SLC1A1: variants seen among roughly 807,000 people sequenced by gnomAD.
SLC1A1 encodes the protein excitatory amino acid transporter 3.
A neutral mutation model predicts 53.3 loss-of-function variants in SLC1A1; 43 were observed. The ratio of observed to expected loss-of-function variants is 0.81; its 90% CI spans 0.63 to 1.04. The LOEUF is 1.04. Among genes scored for constraint, SLC1A1 ranks in the 50% least tolerant of loss-of-function variants. The pLI, the probability that SLC1A1 is intolerant of heterozygous loss-of-function variation, is 0.00. For synonymous variants in SLC1A1, 307 were observed against 243.2 expected, an observed-to-expected ratio of 1.26 and a Z score of -2.44; for missense variants, 748 against 664.9, an observed-to-expected ratio of 1.12 and a Z score of -1.37.
intron 1 of SLC1A1, among the ~76,000 whole-genome samples, chr9:4,526,833 T>C (rs993759585): frequency 6.6e-6 from 1 of 151,780 alleles, no homozygotes; most frequent in Non-Finnish European, 1.5e-5. Context: ...GCACCCAAGA[T>C]TGCTACTTCT....
In SLC1A1 at chr9:4,585,568, C is replaced by A. The variant is rs751614536; in HGVS notation, c.*10C>A. Reference sequence around the variant, plus strand: ...GACCTCACAGTTCTAGGGCCCCTGGCTGCAGATGACTGGAAACAAGGAAGG... The same window carrying A: ...GACCTCACAGTTCTAGGGCCCCTGGATGCAGATGACTGGAAACAAGGAAGG... On this transcript the variant is annotated 3_prime_UTR_variant, in exon 12 of 12. Coordinates refer to ENST00000262352, the MANE Select transcript of SLC1A1 (RefSeq NM_004170.6). 1.2e-6 allele frequency: 2 copies of A among 1,614,202 alleles called. No individual in the cohort carries two copies. The highest frequency in any genetic ancestry group is 1.3e-5 in the African/African-American group (1 of 75,052).
At chr9:4,495,154 T>C (rs1487121389) in intron 1 of SLC1A1, among the ~76,000 whole-genome samples, 3 of 152,218 alleles carry the variant, frequency 2.0e-5, no homozygotes, top group Non-Finnish European at 4.4e-5. Flanking sequence ...AGACGTGGCA[T>C]AGGCTTTCCC....
At chr9:4,563,758 CAG>C (rs1819209018) in intron 3 of SLC1A1, among the ~76,000 whole-genome samples, 1 of 152,186 alleles carries the variant, frequency 6.6e-6, no homozygotes, top group Non-Finnish European at 1.5e-5. Context: ...TTCTTCCTTA[CAG>C]AGAGATGAAC....
intron 1 of SLC1A1, among the ~76,000 whole-genome samples, chr9:4,522,309 C>T (rs923346849): frequency 6.6e-6 from 1 of 152,064 alleles, no homozygotes; most frequent in African/African-American, 2.4e-5. Flanking sequence ...CCTCAGCCTC[C>T]CAAAGTGCTG....
intron 1 of SLC1A1, among the ~76,000 whole-genome samples, chr9:4,496,701 C>A (rs796968975): frequency 2.6e-5 from 4 of 151,950 alleles, no homozygotes; most frequent in Non-Finnish European, 5.9e-5. Context: ...TCAAGACCAG[C>A]CTGGGCAACA....
chr9:4,545,250 G>T (rs992581039), intron 2 of SLC1A1, among the ~76,000 whole-genome samples: 6 of 119,062 alleles, frequency 5.0e-5, no homozygotes, highest in Non-Finnish European at 5.4e-5. Flanking sequence ...GTCTATATTT[G>T]CTTCTGTGGA....
At chr9:4,585,181 G>T in intron 11 of SLC1A1, 131 bp from the exon 12 acceptor site, 7 of 1,226,724 alleles carry the variant, frequency 5.7e-6, no homozygotes, top group Non-Finnish European at 8.2e-6. Flanking sequence ...CCTTCAGTCA[G>T]TCAGCCATGA....
At chr9:4,491,783 C>G (rs1260548802) in intron 1 of SLC1A1, among the ~76,000 whole-genome samples, 2 of 152,234 alleles carry the variant, frequency 1.3e-5, no homozygotes, top group Non-Finnish European at 1.5e-5. Flanking sequence ...CCACCTTCCC[C>G]TTGGAAACTG....
intron 1 of SLC1A1, among the ~76,000 whole-genome samples, chr9:4,524,295 T>C (rs1290808213): frequency 6.6e-6 from 1 of 152,238 alleles, no homozygotes; most frequent in African/African-American, 2.4e-5. Flanking sequence ...GAATAAATAA[T>C]TGATGGTGGT....
rs1320821547 is a variant in SLC1A1 at position 4,583,890 on chromosome 9, A to T, written c.1328+718A>T. Among the ~76,000 whole-genome samples the T allele has an allele frequency of 5.3e-4, 60 of 113,812 alleles. No individual in the cohort carries two copies. The highest frequency in any genetic ancestry group is 1.6e-3 in the South Asian group (6 of 3,764). 74.7% of individuals were successfully genotyped at this position (113,812 alleles called of 152,430 possible). A position where few individuals can be genotyped will look rare whatever the true frequency, so the allele number is the denominator to read the frequency against. On this transcript the variant is annotated intron_variant, in intron 11 of 11. Transcript: ENST00000262352. This position sits in a 1 kb window ranked among gnomAD's most constrained non-coding sequence, Gnocchi z 4.6. ...CTCTCTCTCTCTCTCTCTCACACACACACACACACACACACACACACATAT... is the reference window on the plus strand; with the variant it reads ...CTCTCTCTCTCTCTCTCTCACACACTCACACACACACACACACACACATAT...
At chr9:4,567,898 T>A in intron 6 of SLC1A1, 131 bp downstream of exon 6, 1 of 722,872 alleles carries the variant, frequency 1.4e-6, no homozygotes, top group Non-Finnish European at 2.5e-6. Context: ...AAAATTTATG[T>A]GTGACCCCAA....
chr9:4,509,602 A>G (rs547674704), intron 1 of SLC1A1, among the ~76,000 whole-genome samples: 1 of 151,960 alleles, frequency 6.6e-6, no homozygotes. Flanking sequence ...TACCATTAAG[A>G]TCTACAGCTA....
At chr9:4,576,384 C>T (rs1284121838) in intron 9 of SLC1A1, among the ~76,000 whole-genome samples, 185 bp from the exon 10 acceptor site, 1 of 152,228 alleles carries the variant, frequency 6.6e-6, no homozygotes, top group African/African-American at 2.4e-5. Flanking sequence ...ATTCCTGGAC[C>T]TGCCTAAAGG....
chr9:4,532,222 G>C (rs1816498864), intron 1 of SLC1A1, among the ~76,000 whole-genome samples: 1 of 152,150 alleles, frequency 6.6e-6, no homozygotes, highest in Non-Finnish European at 1.5e-5. Context: ...GAATGACGTT[G>C]ACGAGTTGAG....
chr9:4,564,262 T>C lies in SLC1A1; in HGVS notation c.326-82T>C, dbSNP rs1357519932. The stretch of plus-strand genomic sequence containing the variant: ...ATCACACTATTGCCTGGTACAACCA[T>C]GCCCATTGTTCTAAAGGTGCCAGCT... On this transcript the variant is annotated intron_variant, in intron 3 of 11. Coordinates refer to ENST00000262352, the MANE Select transcript of SLC1A1 (RefSeq NM_004170.6). 1.4e-5 allele frequency: 13 copies of C among 916,206 alleles called. No homozygotes were observed. The East Asian group carries it at 2.3e-4, about 16-fold the overall frequency. 56.8% of individuals were successfully genotyped at this position (916,206 alleles called of 1,614,324 possible).
chr9:4,562,959 G>A (rs1819103877), intron 3 of SLC1A1, among the ~76,000 whole-genome samples: 1 of 136,830 alleles, frequency 7.3e-6, no homozygotes, highest in South Asian at 2.5e-4. Context: ...CACACTCTGG[G>A]GACTGTTGTG....
In SLC1A1 at chr9:4,572,373, T is replaced by C. The variant is rs760911237; in HGVS notation, c.752T>C (p.Val251Ala). 9.9e-6 allele frequency: 16 copies of C among 1,613,828 alleles called. No homozygotes were observed. Among genetic ancestry groups the C allele is most frequent in the Non-Finnish European group, 1.4e-5 (16 of 1,179,828 alleles). The change falls in exon 7 of 12, where the codon GTT becomes GCT. Residue 251 changes from valine to alanine, a missense_variant. Val to Ala is a moderately conservative substitution (Grantham distance 64, BLOSUM62 0). Transcript: ENST00000262352. Reference sequence around the variant, plus strand: ...TTGAGTGATGCAACCATGAAAATCGTTCAGATCATCATGTGGTGAGCAGAC... The same window carrying C: ...TTGAGTGATGCAACCATGAAAATCGCTCAGATCATCATGTGGTGAGCAGAC... ...NALSDATMKIVQIIMCYMPLG... is the reference protein window; with the variant it reads ...NALSDATMKIAQIIMCYMPLG...
intron 2 of SLC1A1, among the ~76,000 whole-genome samples, chr9:4,547,158 A>G (rs1371551656): frequency 6.6e-6 from 1 of 152,248 alleles, no homozygotes; most frequent in African/African-American, 2.4e-5. Context: ...TCTGGGAAGT[A>G]TAGCCTTTGG....
At chr9:4,523,900 T>A (rs1022341721) in intron 1 of SLC1A1, among the ~76,000 whole-genome samples, 2 of 152,204 alleles carry the variant, frequency 1.3e-5, no homozygotes, top group Non-Finnish European at 2.9e-5. Flanking sequence ...GCTAATAAAG[T>A]GGTGAGGCCA....
Sources: gnomAD v4.1 joint callset for allele counts (sites outside exome capture counted in the v4.1 genomes callset) on GRCh38, gnomAD v4.1.1 for gene constraint, Gnocchi (gnomAD v3.1) non-coding constraint, MANE v1.5 for transcripts, NCBI Gene and HGNC (gene_info 2026-07-23, HGNC 2026-07-21) for gene names.